The following PPFIA4 variants were observed in gnomAD, a reference collection of about 807,000 sequenced individuals.
PPFIA4 encodes liprin-alpha-4.
PPFIA4 carries 98 observed loss-of-function variants against 145.7 expected under a neutral mutation model. That is an observed-to-expected ratio of 0.67 (90% CI 0.57 to 0.80). The LOEUF (loss-of-function observed/expected upper bound fraction) is 0.80. Ranked by LOEUF, PPFIA4 falls within the 30% of genes least tolerant of loss-of-function variation. The probability of loss-of-function intolerance (pLI) is 0.00; values close to 1 mark genes in which losing one functional copy is unlikely to be tolerated. For missense variants in PPFIA4, 1,457 were observed against 1,632.7 expected (o/e 0.89, Z 1.85); for synonymous variants, 628 against 649.6 (o/e 0.97, Z 0.51).
In PPFIA4 at chr1:203,045,355, C is replaced by G; in HGVS notation, c.667-13C>G. 6.4e-7 allele frequency: 1 copy of G among 1,570,200 alleles called. No homozygotes were observed. On this transcript the variant is annotated splice_polypyrimidine_tract_variant and intron_variant, in intron 6 of 29. Transcript: ENST00000295706. ...TGCTGTGACTCACAGAGCTACTGTCCCTATCCCTGGAGGAGGATACGGGCC... is the reference window on the plus strand; with the variant it reads ...TGCTGTGACTCACAGAGCTACTGTCGCTATCCCTGGAGGAGGATACGGGCC...
At chr1:203,052,609 G>A (rs1349455267) in intron 14 of PPFIA4, among the ~76,000 whole-genome samples, 1 of 152,052 alleles carries the variant, frequency 6.6e-6, no homozygotes, top group Non-Finnish European at 1.5e-5. Context: ...TTTCTCCCCC[G>A]ACTTCTTTGC....
chr1:203,055,728 T>A lies in PPFIA4; in HGVS notation c.2070+56T>A. 1 of 1,600,894 alleles carries A rather than the reference T, an allele frequency of 6.2e-7. No homozygotes were observed. The highest frequency in any genetic ancestry group is 8.5e-7 in the Non-Finnish European group (1 of 1,172,142). On this transcript the variant is annotated intron_variant, in intron 16 of 29. Coordinates refer to ENST00000295706, the MANE Select transcript of PPFIA4 (RefSeq NM_001304331.2). The surrounding 1 kb of genome is among the most constrained non-coding windows in gnomAD (Gnocchi z 4.8). ...TCACTGGACCCTGCACCGGGGGAGG[T>A]TTTAAGGGATGGTAGGACTCACGTG...
chr1:203,061,140 A>C, intron 23 of PPFIA4, 108 bp downstream of exon 23: 82 of 1,039,024 alleles, frequency 7.9e-5, no homozygotes, highest in Middle Eastern at 2.3e-4. Flanking sequence ...CATCGATCTC[A>C]CGTGAGGTTG....
Position 203,061,656 on chromosome 1 carries a change from G to A in PPFIA4, c.2852G>A (p.Ser951Asn), listed in dbSNP as rs1050320433. 7.7e-6 allele frequency: 12 copies of A among 1,566,404 alleles called. No individual in the cohort carries two copies. The highest frequency in any genetic ancestry group is 1.4e-5 in the African/African-American group (1 of 73,730). ...CGCTGCACTCGTTCCTGCTAGGACAGTGAGGAGGGCAGCTGGGCTCAGGTA... is the reference window on the plus strand; with the variant it reads ...CGCTGCACTCGTTCCTGCTAGGACAATGAGGAGGGCAGCTGGGCTCAGGTA... ...ETLETSTKTD[S>N]EEGSWAQTLA... The change falls in exon 24 of 30, where the codon AGT becomes AAT. Residue 951 changes from serine to asparagine, a missense_variant. Ser to Asn is a conservative substitution (Grantham distance 46, BLOSUM62 1). Around this residue, in one of 3 missense-constraint regions of PPFIA4, gnomAD observed 848 missense variants for 1,046.7 expected, o/e 0.81. Transcript: ENST00000295706.
In PPFIA4 at chr1:203,053,790, C is replaced by T. The variant is rs770070666; in HGVS notation, c.1658C>T (p.Pro553Leu). 45 of 1,552,116 alleles carry T rather than the reference C, an allele frequency of 2.9e-5. No individual in the cohort carries two copies. The highest frequency in any genetic ancestry group is 2.0e-4 in the East Asian group (8 of 41,008). Residue 553 changes from proline to leucine, a missense_variant, in exon 15 of 30, where the codon CCG becomes CTG. By Grantham distance (98) the Pro-to-Leu change is moderately conservative. Transcript: ENST00000295706. ...ETSPLPGMLA[P>L]AAGPAFDSDP... ...TCTCCACTGCCTGGGATGCTGGCCC[C>T]GGCAGCTGGCCCTGCCTTTGACAGT...
At chr1:203,063,661 C>T (rs1472573431) in intron 24 of PPFIA4, 167 bp from the exon 25 acceptor site, 2 of 623,324 alleles carry the variant, frequency 3.2e-6, no homozygotes, top group East Asian at 5.7e-5. Context: ...TCACCTCCCA[C>T]CACTACCAGC....
chr1:203,051,540 C>G, intron 13 of PPFIA4: 1 of 807,858 alleles, frequency 1.2e-6, no homozygotes, highest in Non-Finnish European at 1.7e-6. Context: ...GACGGAAAAC[C>G]GCTCTCTGGA....
intron 15 of PPFIA4, among the ~76,000 whole-genome samples, chr1:203,054,703 TAC>T (rs891268884): frequency 2.4e-5 from 3 of 123,058 alleles, no homozygotes; most frequent in Admixed American, 8.7e-5. Context: ...CACACACACA[TAC>T]ACACACAGAG....
intron 1 of PPFIA4, among the ~76,000 whole-genome samples, chr1:203,030,940 C>T (rs959948552): frequency 1.2e-4 from 19 of 152,238 alleles, no homozygotes; most frequent in Middle Eastern, 3.2e-3. Flanking sequence ...CTTATGACCA[C>T]ACACATCTAC....
chr1:203,045,694 G>A, intron 7 of PPFIA4, 135 bp downstream of exon 7: 2 of 1,456,114 alleles, frequency 1.4e-6, no homozygotes, highest in Non-Finnish European at 1.8e-6. Flanking sequence ...GGTCATGGAA[G>A]GGGTGGGCCA....
At position 203,055,583 on chromosome 1, in the gene PPFIA4, G is replaced by A. The variant is rs750892408; in HGVS notation, c.1981G>A (p.Ala661Thr). 14 of 1,614,020 alleles carry A rather than the reference G, an allele frequency of 8.7e-6. No individual in the cohort carries two copies. The highest frequency in any genetic ancestry group is 1.3e-5 in the African/African-American group (1 of 75,038). Reference protein sequence around the residue: ...TSLTALSLASASPPLSGRSTP... With the variant: ...TSLTALSLASTSPPLSGRSTP... The stretch of plus-strand genomic sequence containing the variant: ...TCTGACGGCCCTGTCCCTGGCCAGC[G>A]CGTCCCCACCACTCAGCGGCCGCTC... Residue 661 changes from alanine (A) to threonine (T), a missense_variant, in exon 16 of 30, where the codon GCG (alanine) becomes ACG (threonine). Transcript: ENST00000295706. The surrounding 1 kb of genome is among the most constrained non-coding windows in gnomAD (Gnocchi z 4.8).
In PPFIA4 at chr1:203,059,213, C is replaced by T; in HGVS notation, c.2443C>T (p.Pro815Ser). The change falls in exon 20 of 30, where the codon CCT becomes TCT. Residue 815 changes from proline (P) to serine (S), a missense_variant. Around this residue, in one of 3 missense-constraint regions of PPFIA4, gnomAD observed 848 missense variants for 1,046.7 expected, o/e 0.81. Coordinates refer to ENST00000295706, the MANE Select transcript of PPFIA4 (RefSeq NM_001304331.2). ...LTDSEFSMQE[P>S]MVPAKLGTQA... Reference sequence around the variant, plus strand: ...AGACTCCGAATTCAGTATGCAGGAGCCTATGGTGCCTGCCAAGCTGGGGAC... The same window carrying T: ...AGACTCCGAATTCAGTATGCAGGAGTCTATGGTGCCTGCCAAGCTGGGGAC... The T allele has an allele frequency of 1.3e-6, 2 of 1,553,514 alleles. No individual in the cohort carries two copies. The highest frequency in any genetic ancestry group is 1.8e-6 in the Non-Finnish European group (2 of 1,140,254).
chr1:203,039,963 T>G lies in PPFIA4; in HGVS notation c.234+721T>G, dbSNP rs1194908057. Among the ~76,000 whole-genome samples the G allele has an allele frequency of 2.6e-5, 4 of 152,222 alleles. No homozygotes were observed. In the South Asian group the frequency reaches 8.3e-4, roughly 31 times the overall value. On this transcript the variant is annotated intron_variant, in intron 2 of 29. Coordinates refer to ENST00000295706, the MANE Select transcript of PPFIA4 (RefSeq NM_001304331.2). ...CAGGAACTGAGCCTGGGGCTAAGTT[T>G]CTCACCACTGCACCTATTTCTCCCT...
intron 27 of PPFIA4, among the ~76,000 whole-genome samples, chr1:203,069,950 C>T (rs1662026734): frequency 6.6e-6 from 1 of 152,196 alleles, no homozygotes; most frequent in Admixed American, 6.5e-5. Context: ...ATCCTCCTCA[C>T]CTTTCACTGC....
At chr1:203,067,033 C>T (rs1019794827) in intron 25 of PPFIA4, among the ~76,000 whole-genome samples, 2 of 152,138 alleles carry the variant, frequency 1.3e-5, no homozygotes, top group African/African-American at 4.8e-5. Context: ...GGATGAACAA[C>T]GTGACTAGTG....
chr1:203,056,288 T>A, intron 17 of PPFIA4, 87 bp from the exon 18 acceptor site: 1 of 1,598,290 alleles, frequency 6.3e-7, no homozygotes, highest in East Asian at 2.2e-5. Flanking sequence ...CCACTGCATT[T>A]CTCCATGCTC....
chr1:203,068,884 G>A lies in PPFIA4; in HGVS notation c.3324+256G>A, dbSNP rs751286068. On this transcript the variant is annotated intron_variant, in intron 27 of 29. Transcript: ENST00000295706. This position sits in a 1 kb window ranked among gnomAD's most constrained non-coding sequence, Gnocchi z 4.7. Reference sequence around the variant, plus strand: ...GGCACACAGTGTGCTCTTACAATGCGCATCCCCGTCCTGCCCTGGGTACCT... The same window carrying A: ...GGCACACAGTGTGCTCTTACAATGCACATCCCCGTCCTGCCCTGGGTACCT... Among the ~76,000 whole-genome samples, 2 of 152,102 alleles carry A rather than the reference G, an allele frequency of 1.3e-5. No individual in the cohort carries two copies. The highest frequency in any genetic ancestry group is 2.4e-5 in the African/African-American group (1 of 41,382).
intron 13 of PPFIA4, among the ~76,000 whole-genome samples, chr1:203,050,520 C>A (rs2102647543): frequency 6.6e-6 from 1 of 152,262 alleles, no homozygotes; most frequent in East Asian, 1.9e-4. Context: ...TAGATCAGAA[C>A]CCTTGCCGTT....
At chr1:203,070,585 CAAAAAAAAAAAAA>C (rs571325182) in intron 27 of PPFIA4, among the ~76,000 whole-genome samples, 2 of 77,548 alleles carry the variant, frequency 2.6e-5, no homozygotes, top group Non-Finnish European at 4.9e-5. Flanking sequence ...CTGTCTCCCT[CAAAAAAAAAAAAA>C]AAAAAAAAGG....
Sources: gnomAD v4.1 joint callset for allele counts (sites outside exome capture counted in the v4.1 genomes callset) on GRCh38, gnomAD v4.1.1 for gene constraint, gnomAD v4.1.1 regional missense constraint, Gnocchi (gnomAD v3.1) non-coding constraint, MANE v1.5 for transcripts, NCBI Gene and HGNC (gene_info 2026-07-23, HGNC 2026-07-21) for gene names.